The following NRXN3 variants were observed in gnomAD, a reference collection of about 807,000 sequenced individuals.
NRXN3 encodes the protein neurexin 3.
A neutral mutation model predicts 137.6 loss-of-function variants in NRXN3; 32 were observed. The ratio of observed to expected loss-of-function variants is 0.23; its 90% CI spans 0.18 to 0.31. NRXN3 has a LOEUF of 0.31. Ranked by LOEUF, NRXN3 falls within the 10% of genes least tolerant of loss-of-function variation. The pLI is 1.00. For missense variants in NRXN3, 1,574 were observed against 2,062.5 expected (o/e 0.76, Z 4.59); for synonymous variants, 798 against 784.5 (o/e 1.02, Z -0.29).
chr14:78,300,301 T>A (rs4903741), intron 4 of NRXN3, among the ~76,000 whole-genome samples: 1 of 152,182 alleles, frequency 6.6e-6, no homozygotes, highest in Non-Finnish European at 1.5e-5. Context: ...CATTTTTAGA[T>A]TAAGTGCATG....
intron 15 of NRXN3, among the ~76,000 whole-genome samples, chr14:79,127,825 A>G (rs2056786942): frequency 6.6e-6 from 1 of 152,082 alleles, no homozygotes; most frequent in Non-Finnish European, 1.5e-5. Flanking sequence ...ATGTTCTTCC[A>G]TTTGTTTGTA....
At chr14:78,518,498 A>G (rs1475522488) in intron 4 of NRXN3, among the ~76,000 whole-genome samples, 1 of 152,136 alleles carries the variant, frequency 6.6e-6, no homozygotes, top group African/African-American at 2.4e-5. Flanking sequence ...AGGTCCCCAA[A>G]GAAAAGGTAG....
At chr14:78,736,979 T>G (rs1014042555) in intron 8 of NRXN3, among the ~76,000 whole-genome samples, 2 of 152,180 alleles carry the variant, frequency 1.3e-5, no homozygotes, top group African/African-American at 2.4e-5. Flanking sequence ...TTACATGAAC[T>G]GTTAAGTTAA....
At chr14:79,430,305 G>T (rs2153550169) in intron 15 of NRXN3, among the ~76,000 whole-genome samples, 1 of 152,168 alleles carries the variant, frequency 6.6e-6, no homozygotes, top group East Asian at 1.9e-4. Context: ...CTGTTCTGGA[G>T]TCTATATCAG....
chr14:78,596,178 C>T (rs111717885), intron 4 of NRXN3, among the ~76,000 whole-genome samples: 3 of 152,268 alleles, frequency 2.0e-5, no homozygotes, highest in African/African-American at 4.8e-5. Context: ...TGGCTGCCCT[C>T]GGGGTTACTT....
At chr14:78,670,791 C>T (rs1046574156) in intron 6 of NRXN3, among the ~76,000 whole-genome samples, 3 of 152,046 alleles carry the variant, frequency 2.0e-5, no homozygotes, top group African/African-American at 7.2e-5. Flanking sequence ...ATTGGATGTT[C>T]CAGGTAAGGG....
At chr14:78,432,391 G>T (rs1300250638) in intron 4 of NRXN3, among the ~76,000 whole-genome samples, 1 of 150,658 alleles carries the variant, frequency 6.6e-6, no homozygotes, top group Admixed American at 6.6e-5. Flanking sequence ...TTTGCAACTT[G>T]ACCCCTTGCT....
chr14:78,274,363 G>A (rs1007350254), intron 2 of NRXN3, among the ~76,000 whole-genome samples: 5 of 152,192 alleles, frequency 3.3e-5, no homozygotes, highest in South Asian at 4.1e-4. Flanking sequence ...GCAGGAAGGA[G>A]AAGTGCTGAG....
intron 4 of NRXN3, among the ~76,000 whole-genome samples, chr14:78,459,685 T>C (rs2094861014): frequency 6.6e-6 from 1 of 152,168 alleles, no homozygotes; most frequent in Non-Finnish European, 1.5e-5. Context: ...GCTGAGAAGA[T>C]CTTGTTTTTT....
At chr14:79,359,996 A>AAC (rs2153414805) in intron 15 of NRXN3, among the ~76,000 whole-genome samples, 2 of 152,324 alleles carry the variant, frequency 1.3e-5, no homozygotes, top group South Asian at 4.1e-4. Context: ...GGAAGGTGGA[A>AAC]ACAGGCATTT....
chr14:78,666,174 T>G (rs753656842), intron 6 of NRXN3, among the ~76,000 whole-genome samples: 2 of 152,230 alleles, frequency 1.3e-5, no homozygotes, highest in Non-Finnish European at 2.9e-5. Flanking sequence ...CTACAGTATT[T>G]TTGACTATAT....
At chr14:78,812,783 A>C (rs1285277480) in intron 10 of NRXN3, among the ~76,000 whole-genome samples, 1 of 152,244 alleles carries the variant, frequency 6.6e-6, no homozygotes, top group African/African-American at 2.4e-5. Flanking sequence ...ATACTTACAT[A>C]AAGAATCAAG....
chr14:78,601,863 T>TC (rs1190710539), intron 4 of NRXN3, among the ~76,000 whole-genome samples: 1 of 152,216 alleles, frequency 6.6e-6, no homozygotes, highest in Non-Finnish European at 1.5e-5. Flanking sequence ...CTATTTATTC[T>TC]CCCTCCAGTC....
At chr14:79,521,024 C>T (rs1300974782) in intron 16 of NRXN3, among the ~76,000 whole-genome samples, 1 of 152,112 alleles carries the variant, frequency 6.6e-6, no homozygotes, top group Non-Finnish European at 1.5e-5. Context: ...ACCCAAATGC[C>T]CATCAATGAT....
intron 10 of NRXN3, among the ~76,000 whole-genome samples, chr14:78,851,841 A>G (rs1197560702): frequency 1.3e-5 from 2 of 152,234 alleles, no homozygotes; most frequent in Non-Finnish European, 1.5e-5. Context: ...ACATTTTGGC[A>G]TATAGCTATT....
Position 78,241,594 on chromosome 14 carries a change from T to C in NRXN3, c.-703-797T>C, listed in dbSNP as rs147568501. Among the ~76,000 whole-genome samples, 355 of 150,794 alleles carry C rather than the reference T, an allele frequency of 2.4e-3. 1 individual carries two copies. Among genetic ancestry groups the C allele is most frequent in the African/African-American group, 7.6e-3 (313 of 40,988 alleles). On this transcript the variant is annotated intron_variant, in intron 1 of 20. Coordinates refer to ENST00000335750, the MANE Select transcript of NRXN3 (RefSeq NM_001330195.2). ...GAGCTCACGCCACTGCATTCTAGCC[T>C]GGGCAAAAGAGCAAGACTCTGTCTC...
intron 2 of NRXN3, among the ~76,000 whole-genome samples, chr14:78,273,662 A>G (rs1187991280): frequency 6.6e-6 from 1 of 152,192 alleles, no homozygotes; most frequent in African/African-American, 2.4e-5. Flanking sequence ...GAGGAAATAC[A>G]TAGGTAAATA....
intron 15 of NRXN3, among the ~76,000 whole-genome samples, chr14:79,462,582 C>T (rs769567019): frequency 4.7e-5 from 7 of 149,644 alleles, no homozygotes; most frequent in South Asian, 2.1e-4. Flanking sequence ...CTTAAAGAAA[C>T]GATAGATCAC....
chr14:78,923,422 C>G (rs970982226), intron 10 of NRXN3, among the ~76,000 whole-genome samples: 1 of 152,128 alleles, frequency 6.6e-6, no homozygotes, highest in African/African-American at 2.4e-5. Flanking sequence ...GGCAAACTAC[C>G]TTCTTATCTT....
Sources: allele counts gnomAD v4.1 joint callset (sites outside exome capture counted in the v4.1 genomes callset), GRCh38; gene constraint gnomAD v4.1.1; transcripts MANE v1.5; gene names NCBI Gene and HGNC (gene_info 2026-07-23, HGNC 2026-07-21).